The following SUPT5H variants were observed in gnomAD, a reference collection of about 807,000 sequenced individuals.
SUPT5H encodes the protein transcription elongation factor SPT5.
SUPT5H carries 24 observed loss-of-function variants against 142.5 expected under a neutral mutation model. The ratio of observed to expected loss-of-function variants is 0.17; its 90% CI spans 0.12 to 0.24. SUPT5H has a LOEUF of 0.24. Among genes scored for constraint, SUPT5H ranks in the 10% least tolerant of loss-of-function variants. The probability of loss-of-function intolerance (pLI) is 1.00; values close to 1 mark genes in which losing one functional copy is unlikely to be tolerated. For missense variants in SUPT5H, 893 were observed against 1,471.8 expected, an observed-to-expected ratio of 0.61 and a Z score of 6.43; for synonymous variants, 546 against 553.0, an observed-to-expected ratio of 0.99 and a Z score of 0.18.
At chr19:39,465,083 C>A in intron 11 of SUPT5H, 34 bp downstream of exon 11, 1 of 1,590,570 alleles carries the variant, frequency 6.3e-7, no homozygotes, top group South Asian at 1.1e-5. Flanking sequence ...GGGTCAGGGT[C>A]CCTCCATTCT....
intron 3 of SUPT5H, among the ~76,000 whole-genome samples, chr19:39,455,691 C>G (rs2079078916): frequency 6.7e-6 from 1 of 149,936 alleles, no homozygotes; most frequent in African/African-American, 2.5e-5. Flanking sequence ...GGTGCAATCT[C>G]AGCTCACTGC....
At chr19:39,455,035 G>T (rs1241039268) in intron 3 of SUPT5H, among the ~76,000 whole-genome samples, 2 of 152,172 alleles carry the variant, frequency 1.3e-5, no homozygotes, top group Admixed American at 6.6e-5. Context: ...TTCCTCTTTA[G>T]AATTTACTTT....
rs2079363891 is a variant in SUPT5H at position 39,473,981 on chromosome 19, G to A, written c.2511G>A (p.Glu837=). The change falls in exon 26 of 30, where the codon GAG becomes GAA. Residue 837 remains glutamate (E), a synonymous_variant. Coordinates refer to ENST00000432763, the MANE Select transcript of SUPT5H (RefSeq NM_001111020.3). The surrounding 1 kb of genome is among the most constrained non-coding windows in gnomAD (Gnocchi z 5.8). ...CCAACAGGGCTGAGGAAGAATATGA[G>A]TATGCTTTCGATGATGAGCCCACCC... ...NTPSRAEEEY[E]YAFDDEPTPS... is the part of the protein sequence containing the mutation. 2 of 1,613,778 alleles carry A rather than the reference G, an allele frequency of 1.2e-6. No homozygotes were observed. The highest frequency in any genetic ancestry group is 1.6e-4 in the Middle Eastern group (1 of 6,080).
Position 39,458,479 on chromosome 19 carries a change from T to C in SUPT5H, c.319+174T>C. ...AGTTCTGGGGCCAGGTATACCCCAG[T>C]TGTTGACCTGGGAAAGCACGGATGT... On this transcript the variant is annotated intron_variant, in intron 5 of 29. Transcript: ENST00000432763. This position sits in a 1 kb window ranked among gnomAD's most constrained non-coding sequence, Gnocchi z 4.2. 8.3e-7 allele frequency: 1 copy of C among 1,199,690 alleles called. No homozygotes were observed. Among genetic ancestry groups the C allele is most frequent in the Non-Finnish European group, 1.2e-6 (1 of 856,532 alleles). 74.3% of individuals were successfully genotyped at this position (1,199,690 alleles called of 1,614,324 possible). A position where few individuals can be genotyped will look rare whatever the true frequency, so the allele number is the denominator to read the frequency against.
Position 39,474,919 on chromosome 19 carries a change from G to T in SUPT5H, c.3024+201G>T. 1 of 626,626 alleles carries T rather than the reference G, an allele frequency of 1.6e-6. No homozygotes were observed. Among genetic ancestry groups the T allele is most frequent in the Non-Finnish European group, 2.8e-6 (1 of 360,774 alleles). The allele number at this position is 626,626 out of a possible 1,614,324, so 38.8% of individuals were successfully genotyped here. ...CGGGGAATCAGGGAGGGCTGCCTGG[G>T]GAAGGAGAAATCTGAGCCAAGACCT... On this transcript the variant is annotated intron_variant, in intron 28 of 29. Coordinates refer to ENST00000432763, the MANE Select transcript of SUPT5H (RefSeq NM_001111020.3). This position sits in a 1 kb window ranked among gnomAD's most constrained non-coding sequence, Gnocchi z 6.5.
intron 10 of SUPT5H, 186 bp downstream of exon 10, chr19:39,460,146 G>T: frequency 1.6e-6 from 1 of 613,880 alleles, no homozygotes; most frequent in Non-Finnish European, 2.9e-6. Flanking sequence ...TGGATATGTT[G>T]TCTTTGTTCT....
At position 39,476,173 on chromosome 19, in the gene SUPT5H, C is replaced by T; in HGVS notation, c.3117C>T (p.Asn1039=). 2 of 1,614,072 alleles carry T rather than the reference C, an allele frequency of 1.2e-6. No homozygotes were observed. The highest frequency in any genetic ancestry group is 1.7e-6 in the Non-Finnish European group (2 of 1,180,022). ...HLEPITPTKN[N]KVKVILGEDR... ...AGCCTATCACCCCCACCAAGAACAA[C>T]AAGGTAAGGGCAGGGGGCAAGGAGA... The change falls in exon 29 of 30, where the codon AAC becomes AAT. Residue 1039 remains asparagine, a synonymous_variant. Coordinates refer to ENST00000432763, the MANE Select transcript of SUPT5H (RefSeq NM_001111020.3).
At chr19:39,471,875 G>A (rs1273479700) in intron 20 of SUPT5H, 145 bp downstream of exon 20, 4 of 1,185,066 alleles carry the variant, frequency 3.4e-6, no homozygotes, top group South Asian at 1.6e-5. Context: ...GAGTGAGAAG[G>A]TTTATTTGGG....
In SUPT5H at chr19:39,458,246, ACC is replaced by A; in HGVS notation, c.308-47_308-46del. On this transcript the variant is annotated intron_variant, in intron 4 of 29. Coordinates refer to ENST00000432763, the MANE Select transcript of SUPT5H (RefSeq NM_001111020.3). The surrounding 1 kb of genome is among the most constrained non-coding windows in gnomAD (Gnocchi z 4.2). ...TCTGCCCTCGCCCACCACCACCACC[ACC>A]ACCACCACCACCACCACCACCACCA... 1 of 776,848 alleles carries A rather than the reference ACC, an allele frequency of 1.3e-6. No individual in the cohort carries two copies. Among genetic ancestry groups the A allele is most frequent in the Non-Finnish European group, 2.0e-6 (1 of 494,698 alleles). 48.1% of individuals were successfully genotyped at this position (776,848 alleles called of 1,614,324 possible). A position where few individuals can be genotyped will look rare whatever the true frequency, so the allele number is the denominator to read the frequency against.
At chr19:39,459,677 TC>T (rs1600707377) in intron 9 of SUPT5H, 88 bp downstream of exon 9, 2 of 1,544,140 alleles carry the variant, frequency 1.3e-6, no homozygotes, top group Non-Finnish European at 1.8e-6. Flanking sequence ...GTCCCGGGTC[TC>T]CGTGGCCTGC....
chr19:39,459,327 C>T (rs2079131420), intron 8 of SUPT5H, 78 bp downstream of exon 8: 1 of 1,517,626 alleles, frequency 6.6e-7, no homozygotes, highest in African/African-American at 1.4e-5. Flanking sequence ...CAGGTGGCTC[C>T]CTGAAATAAG....
rs1372015105 is a variant in SUPT5H at position 39,448,946 on chromosome 19, T to A, written c.75+2981T>A. ...CCGTCTCTACTAAAAATACAAAAAA[T>A]TAGCGTGGTGGTGGGTGCCTGTAGT... is the stretch of plus-strand genomic sequence containing the variant. On this transcript the variant is annotated intron_variant, in intron 2 of 29. Coordinates refer to ENST00000432763, the MANE Select transcript of SUPT5H (RefSeq NM_001111020.3). Among the ~76,000 whole-genome samples the A allele has an allele frequency of 2.1e-5, 3 of 144,696 alleles. 1 individual carries two copies. The East Asian group carries it at 6.9e-4, about 33-fold the overall frequency. The allele number at this position is 144,696 out of a possible 152,430, so 94.9% of individuals were successfully genotyped here.
rs1466261292 is a variant in SUPT5H at position 39,470,871 on chromosome 19, G to A, written c.1677+348G>A. Among the ~76,000 whole-genome samples, 3 of 152,106 alleles carry A rather than the reference G, an allele frequency of 2.0e-5. No homozygotes were observed. The highest frequency in any genetic ancestry group is 4.4e-5 in the Non-Finnish European group (3 of 68,006). ...TCCTCATGGATGTGGGAGTCATGGA[G>A]CACAGTACTTAGGATCCTGGACTCC... On this transcript the variant is annotated intron_variant, in intron 18 of 29. Transcript: ENST00000432763. The surrounding 1 kb of genome is among the most constrained non-coding windows in gnomAD (Gnocchi z 5.8).
rs2304217 is a variant in SUPT5H, at chr19:39,464,893, G to T, written c.720G>T (p.Glu240Asp). 3 of 1,613,992 alleles carry T rather than the reference G, an allele frequency of 1.9e-6. No homozygotes were observed. The highest frequency in any genetic ancestry group is 1.3e-5 in the African/African-American group (1 of 74,894). Residue 240 changes from glutamate (E) to aspartate (D), a missense_variant, in exon 11 of 30, where the codon GAG becomes GAT. Around this residue, in one of 6 missense-constraint regions of SUPT5H, gnomAD observed 428 missense variants for 763.5 expected, o/e 0.56. Transcript: ENST00000432763. ...AGACCCACGTGAAGCAGGCCATTGA[G>T]GGGGTGGGCAACCTGCGGCTTGGCT... ...YKQTHVKQAIEGVGNLRLGYW... is the reference protein window; with the variant it reads ...YKQTHVKQAIDGVGNLRLGYW...
At chr19:39,461,186 A>G in intron 10 of SUPT5H, among the ~76,000 whole-genome samples, 1 of 152,076 alleles carries the variant, frequency 6.6e-6, no homozygotes, top group Non-Finnish European at 1.5e-5. Context: ...GCTACTTGGG[A>G]GGCTGAGGCA....
At position 39,458,778 on chromosome 19, in the gene SUPT5H, C is replaced by A; in HGVS notation, c.320-40C>A. 2 of 1,576,946 alleles carry A rather than the reference C, an allele frequency of 1.3e-6. No individual in the cohort carries two copies. The highest frequency in any genetic ancestry group is 1.7e-6 in the Non-Finnish European group (2 of 1,156,304). On this transcript the variant is annotated intron_variant, in intron 5 of 29. Transcript: ENST00000432763. The surrounding 1 kb of genome is among the most constrained non-coding windows in gnomAD (Gnocchi z 4.2). Reference sequence around the variant, plus strand: ...CTATTTTCTCCAGGCCCCTGCCCTCCACCTGCCCTTGCTCACGCCCTCTGC... The same window carrying A: ...CTATTTTCTCCAGGCCCCTGCCCTCAACCTGCCCTTGCTCACGCCCTCTGC...
chr19:39,457,652 AC>A (rs778285338), intron 3 of SUPT5H, 22 bp from the exon 4 acceptor site: 69 of 1,611,144 alleles, frequency 4.3e-5, no homozygotes, highest in Non-Finnish European at 5.8e-5. Context: ...TTTGCCACTT[AC>A]CACTTGGCCT....
chr19:39,474,729 C>T lies in SUPT5H; in HGVS notation c.3024+11C>T, dbSNP rs761894165. ...ATCCGCAGTGTCACGGTACGTGGGG[C>T]CCAGGGTGGTGGGTGAGCAGGCATC... On this transcript the variant is annotated intron_variant, in intron 28 of 29. Transcript: ENST00000432763. The surrounding 1 kb of genome is among the most constrained non-coding windows in gnomAD (Gnocchi z 6.5). 3 of 1,602,682 alleles carry T rather than the reference C, an allele frequency of 1.9e-6. No individual in the cohort carries two copies. Among genetic ancestry groups the T allele is most frequent in the East Asian group, 4.5e-5 (2 of 44,122 alleles).
At chr19:39,453,012 CA>C (rs201092518) in intron 2 of SUPT5H, among the ~76,000 whole-genome samples, 45,682 of 109,092 alleles carry the variant, frequency 0.42, 7,978 homozygotes, top group African/African-American at 0.56. Context: ...GACTCTGTCT[CA>C]AAAAAAAAAA....
Sources: allele counts gnomAD v4.1 joint callset (sites outside exome capture counted in the v4.1 genomes callset), GRCh38; gene constraint gnomAD v4.1.1; regional missense constraint gnomAD v4.1.1; non-coding constraint Gnocchi (gnomAD v3.1); transcripts MANE v1.5; gene names NCBI Gene and HGNC (gene_info 2026-07-23, HGNC 2026-07-21).